Variants in IMPG2 observed in about 807,000 individuals in gnomAD.
IMPG2 encodes the protein interphotoreceptor matrix proteoglycan 2.
Under a neutral mutation model 129.2 loss-of-function variants are expected in IMPG2, and 91 were observed. The observed-to-expected ratio is 0.70, with a 90% CI of 0.59 to 0.84. The LOEUF (loss-of-function observed/expected upper bound fraction) is 0.84, where lower values mean the gene tolerates loss of function less well. IMPG2 is among the 40% of genes least tolerant of loss of function. The probability of loss-of-function intolerance (pLI) is 0.00; values close to 1 mark genes in which losing one functional copy is unlikely to be tolerated. For synonymous variants in IMPG2, 510 were observed against 517.7 expected, an observed-to-expected ratio of 0.99 and a Z score of 0.20; for missense variants, 1,430 against 1,461.7, an observed-to-expected ratio of 0.98 and a Z score of 0.35.
chr3:101,244,177 G>A lies in IMPG2; in HGVS notation c.2154C>T (p.Thr718=), dbSNP rs755250590. 3 of 1,613,876 alleles carry A rather than the reference G, an allele frequency of 1.9e-6. No individual in the cohort carries two copies. The highest frequency in any genetic ancestry group is 2.5e-6 in the Non-Finnish European group (3 of 1,179,986). ...CAGATGTCAGTATAAGAGGTGCTTT[G>A]GTAACTGAGTAATCATCAACACCAG... ...EVPGVDDYSV[T]KAPLILTSVA... Residue 718 remains threonine (T), a synonymous_variant, in exon 13 of 19, where the codon ACC becomes ACT. Transcript: ENST00000193391.
chr3:101,317,092 GAGGTGGGCATTAT>G (rs1576775527), intron 2 of IMPG2, among the ~76,000 whole-genome samples: 1 of 72,006 alleles, frequency 1.4e-5, no homozygotes, highest in East Asian at 6.1e-4. Flanking sequence ...GGTAGTGAGG[GAGGTGGGCATTAT>G]AAATGGTCAT....
At chr3:101,301,741 G>C (rs918995927) in intron 3 of IMPG2, among the ~76,000 whole-genome samples, 16 of 152,116 alleles carry the variant, frequency 1.1e-4, no homozygotes, top group African/African-American at 3.9e-4. Flanking sequence ...AGTTTCCTTT[G>C]TCTATCTCAT....
intron 14 of IMPG2, among the ~76,000 whole-genome samples, chr3:101,239,408 G>A (rs1418591404): frequency 6.6e-6 from 1 of 152,200 alleles, no homozygotes; most frequent in Non-Finnish European, 1.5e-5. Context: ...CCAGTGGAAT[G>A]GCGATCATTA....
chr3:101,245,321 A>T (rs2107221567), intron 12 of IMPG2, among the ~76,000 whole-genome samples: 1 of 152,144 alleles, frequency 6.6e-6, no homozygotes, highest in Non-Finnish European at 1.5e-5. Flanking sequence ...CATCTAGATT[A>T]TCTATTTCAT....
chr3:101,257,759 TA>T lies in IMPG2; in HGVS notation c.922del (p.Tyr308ThrfsTer66), dbSNP rs1706627397. 1 of 1,613,198 alleles carries T rather than the reference TA, an allele frequency of 6.2e-7. No homozygotes were observed. The highest frequency in any genetic ancestry group is 8.5e-7 in the Non-Finnish European group (1 of 1,179,408). The part of the protein sequence containing the change: ...PKENDSGVDV[Y>X]YAVTFNGEAI... ...CTCACCATTGAAGGTAACTGCATAG[TA>T]AACATCTACGCCACTATGGATGGAA... On this transcript the variant is annotated frameshift_variant, in exon 10 of 19. Coordinates refer to ENST00000193391, the MANE Select transcript of IMPG2 (RefSeq NM_016247.4). LOFTEE classifies it high-confidence loss of function.
Position 101,225,403 on chromosome 3 carries a change from ACACACATACACGCACACACACATT to A in IMPG2, c.*1542_*1565del, listed in dbSNP as rs1247395532. 2 of 52,812 alleles carry A rather than the reference ACACACATACACGCACACACACATT, an allele frequency of 3.8e-5. No individual in the cohort carries two copies. Among genetic ancestry groups the A allele is most frequent in the South Asian group, 5.3e-4 (1 of 1,904 alleles). The allele number at this position is 52,812 out of a possible 1,614,324, so 3.3% of individuals were successfully genotyped here. A position where few individuals can be genotyped will look rare whatever the true frequency, so the allele number is the denominator to read the frequency against. Reference sequence around the variant, plus strand: ...CATGCGCATTAGCGCGCACACGCACACACACATACACGCACACACACATTCACACATACACACACACAACCTGTT... The same window carrying A: ...CATGCGCATTAGCGCGCACACGCACACACACATACACACACACAACCTGTT... On this transcript the variant is annotated 3_prime_UTR_variant, in exon 19 of 19. Transcript: ENST00000193391.
At chr3:101,259,857 C>T (rs1706651108) in intron 9 of IMPG2, among the ~76,000 whole-genome samples, 1 of 151,972 alleles carries the variant, frequency 6.6e-6, no homozygotes, top group Non-Finnish European at 1.5e-5. Context: ...TGATTTCAAG[C>T]TTGTAAAAGA....
chr3:101,228,469 C>A (rs1287177228), intron 18 of IMPG2, among the ~76,000 whole-genome samples: 1 of 152,112 alleles, frequency 6.6e-6, no homozygotes, highest in Non-Finnish European at 1.5e-5. Flanking sequence ...TATGTGTAGT[C>A]CAGGCGTCTC....
chr3:101,274,284 G>C (rs1406384693), intron 6 of IMPG2, among the ~76,000 whole-genome samples: 1 of 152,022 alleles, frequency 6.6e-6, no homozygotes, highest in Non-Finnish European at 1.5e-5. Context: ...ATATAATACA[G>C]TCTAATTAGT....
intron 14 of IMPG2, among the ~76,000 whole-genome samples, chr3:101,240,155 T>C (rs1438510813): frequency 6.6e-6 from 1 of 152,186 alleles, no homozygotes; most frequent in Non-Finnish European, 1.5e-5. Flanking sequence ...TCTCACTATG[T>C]TGCCCAGGCT....
chr3:101,314,189 T>C (rs2058771494), intron 2 of IMPG2, among the ~76,000 whole-genome samples: 1 of 152,070 alleles, frequency 6.6e-6, no homozygotes, highest in African/African-American at 2.4e-5. Context: ...ATTTCAAGGG[T>C]GAGGAAACTA....
rs1411534297 is a variant in IMPG2, at chr3:101,223,427, A to G, written c.*3542T>C. The G allele has an allele frequency of 6.6e-6, 1 of 152,228 alleles. No homozygotes were observed. Among genetic ancestry groups the G allele is most frequent in the Non-Finnish European group, 1.5e-5 (1 of 68,046 alleles). The allele number at this position is 152,228 out of a possible 1,614,324, so 9.4% of individuals were successfully genotyped here. On this transcript the variant is annotated 3_prime_UTR_variant, in exon 19 of 19. Transcript: ENST00000193391. ...ATTCTACTTCATTAGCTCTTTCATT[A>G]TGGAATAAATATGTTGTCTTCTCTT...
chr3:101,246,063 T>C lies in IMPG2; in HGVS notation c.1282A>G (p.Ile428Val), dbSNP rs1167950577. ...QAAWPSADES[I>V]TSSIPPLDFS... ...TCAAGTGGTGGAATACTGCTGGTGA[T>C]GGATTCATCTGCTGAGGGCCATGCA... The change falls in exon 12 of 19, where the codon ATC becomes GTC. Residue 428 changes from isoleucine to valine, a missense_variant. Transcript: ENST00000193391. 4 of 1,614,068 alleles carry C rather than the reference T, an allele frequency of 2.5e-6. No individual in the cohort carries two copies. Among genetic ancestry groups the C allele is most frequent in the Non-Finnish European group, 2.5e-6 (3 of 1,179,990 alleles).
rs756109820 is a variant in IMPG2 at position 101,304,330 on chromosome 3, GT to G, written c.335-19del. The G allele has an allele frequency of 6.8e-6, 11 of 1,612,562 alleles. 1 individual carries two copies. Among genetic ancestry groups the G allele is most frequent in the South Asian group, 4.4e-5 (4 of 91,044 alleles). On this transcript the variant is annotated intron_variant, in intron 2 of 18. Coordinates refer to ENST00000193391, the MANE Select transcript of IMPG2 (RefSeq NM_016247.4). ...CTGACACACTAGAAAATAGAGAGGT[GT>G]TTTTTTACAAAAAGCTAACATGCTC...
rs1559643359 is a variant in IMPG2 at position 101,244,787 on chromosome 3, C to T, written c.1544G>A (p.Gly515Glu). ...TTCTGACTCTTCAACATTGGCTAAT[C>T]CTAAAAATAAAGTTTTCCATTAATT... ...RTSGSHLVEDGLANVEESEDF... is the reference protein window; with the variant it reads ...RTSGSHLVEDELANVEESEDF... The change falls in exon 13 of 19, where the codon GGA (glycine) becomes GAA (glutamate). Residue 515 changes from glycine to glutamate, a missense_variant and splice_region_variant. Coordinates refer to ENST00000193391, the MANE Select transcript of IMPG2 (RefSeq NM_016247.4). The T allele has an allele frequency of 6.2e-7, 1 of 1,612,928 alleles. No homozygotes were observed. Among genetic ancestry groups the T allele is most frequent in the Non-Finnish European group, 8.5e-7 (1 of 1,179,174 alleles).
chr3:101,272,448 T>C (rs574135249), intron 7 of IMPG2, among the ~76,000 whole-genome samples: 184 of 152,336 alleles, frequency 1.2e-3, no homozygotes, highest in African/African-American at 4.3e-3. Context: ...AATAGCTACC[T>C]ACCTCATCAA....
At position 101,222,789 on chromosome 3, in the gene IMPG2, ATTACTG is replaced by A. The variant is rs1706178305; in HGVS notation, c.*4174_*4179del. ...TATCCATACTCGATATTAAACATAT[ATTACTG>A]TATGTACACTATTGCTTAAGTATCA... On this transcript the variant is annotated 3_prime_UTR_variant, in exon 19 of 19. Coordinates refer to ENST00000193391, the MANE Select transcript of IMPG2 (RefSeq NM_016247.4). 2 of 152,250 alleles carry A rather than the reference ATTACTG, an allele frequency of 1.3e-5. No homozygotes were observed. Among genetic ancestry groups the A allele is most frequent in the Admixed American group, 1.3e-4 (2 of 15,288 alleles). 9.4% of individuals were successfully genotyped at this position (152,250 alleles called of 1,614,324 possible). A position where few individuals can be genotyped will look rare whatever the true frequency, so the allele number is the denominator to read the frequency against.
At chr3:101,294,718 A>G (rs1707059944) in intron 3 of IMPG2, among the ~76,000 whole-genome samples, 1 of 152,188 alleles carries the variant, frequency 6.6e-6, no homozygotes, top group Non-Finnish European at 1.5e-5. Context: ...AGCAGTGTAA[A>G]AGCATTCCTA....
Position 101,231,075 on chromosome 3 carries a change from T to C in IMPG2, c.3304A>G (p.Ile1102Val), listed in dbSNP as rs759763352. The change falls in exon 16 of 19, where the codon ATA becomes GTA. Residue 1102 changes from isoleucine to valine, a missense_variant. Coordinates refer to ENST00000193391, the MANE Select transcript of IMPG2 (RefSeq NM_016247.4). ...ACCACGGAGGCAATAGTGATGCCTA[T>C]GATCACGGGCTCAGACACAAATTCC... ...CEEFVSEPVI[I>V]GITIASVVGL... The C allele has an allele frequency of 1.5e-5, 24 of 1,614,018 alleles. No individual in the cohort carries two copies. In the Admixed American group the frequency reaches 2.0e-4, roughly 13 times the overall value.
Sources: gnomAD v4.1 joint callset for allele counts (sites outside exome capture counted in the v4.1 genomes callset) on GRCh38, gnomAD v4.1.1 for gene constraint, MANE v1.5 for transcripts, NCBI Gene and HGNC (gene_info 2026-07-23, HGNC 2026-07-21) for gene names.